RNF111: variants seen among roughly 807,000 people sequenced by gnomAD.
RNF111 encodes E3 ubiquitin-protein ligase Arkadia.
RNF111 carries 17 observed loss-of-function variants against 95.1 expected under a neutral mutation model. The ratio of observed to expected loss-of-function variants is 0.18; its 90% CI spans 0.12 to 0.27. RNF111 has a LOEUF of 0.27. RNF111 is among the 10% of genes least tolerant of loss of function. RNF111 has a pLI of 1.00. For missense variants in RNF111, 1,189 were observed against 1,210.4 expected (o/e 0.98, Z 0.26); for synonymous variants, 440 against 414.8 (o/e 1.06, Z -0.74).
At chr15:59,008,200 G>C (rs1255438719) in intron 1 of RNF111, among the ~76,000 whole-genome samples, 2 of 152,136 alleles carry the variant, frequency 1.3e-5, no homozygotes, top group African/African-American at 2.4e-5. Context: ...TGGCTCTCCA[G>C]TTGTTTCACG....
At chr15:59,007,973 T>C (rs753429905) in intron 1 of RNF111, among the ~76,000 whole-genome samples, 2 of 152,244 alleles carry the variant, frequency 1.3e-5, no homozygotes, top group Non-Finnish European at 2.9e-5. Context: ...GTTTTCTTAA[T>C]GCTGTCTCTG....
At chr15:59,040,691 A>G (rs1327772341) in intron 2 of RNF111, among the ~76,000 whole-genome samples, 3 of 152,234 alleles carry the variant, frequency 2.0e-5, no homozygotes, top group Admixed American at 6.5e-5. Flanking sequence ...ATTACTTTTA[A>G]TGGCAAAACC....
chr15:59,085,128 T>G (rs1292854309), intron 9 of RNF111, among the ~76,000 whole-genome samples: 1 of 152,206 alleles, frequency 6.6e-6, no homozygotes, highest in African/African-American at 2.4e-5. Flanking sequence ...ACAATGACTT[T>G]TGAGGCAGAA....
intron 1 of RNF111, among the ~76,000 whole-genome samples, chr15:59,014,785 C>T (rs563230023): frequency 2.7e-5 from 4 of 147,666 alleles, no homozygotes; most frequent in African/African-American, 7.5e-5. Flanking sequence ...GAGACAGGGT[C>T]TTCCTCTATG....
At chr15:59,032,360 C>A (rs1436573437) in intron 2 of RNF111, among the ~76,000 whole-genome samples, 1 of 152,032 alleles carries the variant, frequency 6.6e-6, no homozygotes, top group Non-Finnish European at 1.5e-5. Flanking sequence ...TTTCAGCTAC[C>A]TGTATGATGG....
chr15:59,053,643 A>G (rs2042083897), intron 3 of RNF111, among the ~76,000 whole-genome samples: 1 of 152,222 alleles, frequency 6.6e-6, no homozygotes, highest in African/African-American at 2.4e-5. Flanking sequence ...ACTGAAAACC[A>G]GTGTTATGTA....
intron 2 of RNF111, chr15:59,049,789 C>T (rs1424710246): frequency 5.5e-5 from 8 of 146,304 alleles, no homozygotes; most frequent in Non-Finnish European, 1.2e-4. Context: ...GCTCCGTCAC[C>T]CAGGCTGGAG....
At position 58,988,022 on chromosome 15, in the gene RNF111, C is replaced by T. The variant is rs987994656; in HGVS notation, c.-66C>T. 1.1e-4 allele frequency: 16 copies of T among 149,318 alleles called. No individual in the cohort carries two copies. Among genetic ancestry groups the T allele is most frequent in the African/African-American group, 3.7e-4 (15 of 40,184 alleles). 9.2% of individuals were successfully genotyped at this position (149,318 alleles called of 1,614,324 possible). Reference sequence around the variant, plus strand: ...TACATTTCTGTCTTCCTTCCTGGGTCAGTGATTCCCGGACCCTGGAAGAGA... The same window carrying T: ...TACATTTCTGTCTTCCTTCCTGGGTTAGTGATTCCCGGACCCTGGAAGAGA... On this transcript the variant is annotated 5_prime_UTR_variant, in exon 1 of 14. Coordinates refer to ENST00000348370, the MANE Select transcript of RNF111 (RefSeq NM_017610.8).
intron 2 of RNF111, among the ~76,000 whole-genome samples, chr15:59,038,646 T>A (rs1306874074): frequency 6.6e-6 from 1 of 152,180 alleles, no homozygotes; most frequent in Non-Finnish European, 1.5e-5. Flanking sequence ...TCCTGGAGAA[T>A]TTCACAAAAA....
intron 6 of RNF111, among the ~76,000 whole-genome samples, chr15:59,074,175 G>A (rs2043065056): frequency 6.6e-6 from 1 of 152,146 alleles, no homozygotes; most frequent in African/African-American, 2.4e-5. Context: ...AGGCAGAATA[G>A]ATTTAGCATA....
At chr15:59,087,529 A>G (rs976270118) in intron 10 of RNF111, among the ~76,000 whole-genome samples, 1 of 152,220 alleles carries the variant, frequency 6.6e-6, no homozygotes, top group Non-Finnish European at 1.5e-5. Flanking sequence ...TCTGTATGTT[A>G]TAAGTACGTG....
At chr15:59,082,840 C>G (rs2078786451) in intron 8 of RNF111, among the ~76,000 whole-genome samples, 1 of 152,176 alleles carries the variant, frequency 6.6e-6, no homozygotes, top group African/African-American at 2.4e-5. Flanking sequence ...AAATCTCTGG[C>G]TGTTGCTGCC....
intron 5 of RNF111, among the ~76,000 whole-genome samples, chr15:59,060,915 A>G (rs547732702): frequency 6.6e-6 from 1 of 151,644 alleles, no homozygotes; most frequent in Non-Finnish European, 1.5e-5. Flanking sequence ...GATCCTCCCG[A>G]GTAGATGGGG....
rs1207622639 is a variant in RNF111 at position 59,094,862 on chromosome 15, A to C, written c.2923A>C (p.Arg975=). The change falls in exon 14 of 14, where the codon AGA becomes CGA. Residue 975 remains arginine, a synonymous_variant. Coordinates refer to ENST00000348370, the MANE Select transcript of RNF111 (RefSeq NM_017610.8). Reference sequence around the variant, plus strand: ...TACCAATAAGAAGTGCCCCATATGCAGAGTGGACATTGAGGCCCAGCTGCC... The same window carrying C: ...TACCAATAAGAAGTGCCCCATATGCCGAGTGGACATTGAGGCCCAGCTGCC... The part of the protein sequence containing the change: ...LITNKKCPIC[R]VDIEAQLPSE... The C allele has an allele frequency of 6.2e-7, 1 of 1,612,394 alleles. No individual in the cohort carries two copies. Among genetic ancestry groups the C allele is most frequent in the East Asian group, 2.2e-5 (1 of 44,796 alleles).
In RNF111 at chr15:59,076,045, C is replaced by T. The variant is rs369357869; in HGVS notation, c.1778C>T (p.Pro593Leu). 4.3e-6 allele frequency: 7 copies of T among 1,614,104 alleles called. No individual in the cohort carries two copies. The African/African-American group carries it at 9.3e-5, about 22-fold the overall frequency. The change falls in exon 7 of 14, where the codon CCT becomes CTT. Residue 593 changes from proline to leucine, a missense_variant. By Grantham distance (98) the Pro-to-Leu change is moderately conservative. Coordinates refer to ENST00000348370, the MANE Select transcript of RNF111 (RefSeq NM_017610.8). ...HGASAFDPCC[P>L]VSSSRAAIFG... ...GCATCTGCATTTGACCCCTGCTGCC[C>T]TGTTTCTTCCTCCCGAGCTGCAATC...
rs138414973 is a variant in RNF111 at position 59,031,617 on chromosome 15, C to G, written c.795C>G (p.Ser265=). 1 of 1,614,130 alleles carries G rather than the reference C, an allele frequency of 6.2e-7. No homozygotes were observed. Among genetic ancestry groups the G allele is most frequent in the East Asian group, 2.2e-5 (1 of 44,886 alleles). The change falls in exon 2 of 14, where the codon TCC becomes TCG. Residue 265 remains serine, a synonymous_variant. Transcript: ENST00000348370. ...GTGAGAATGACCTCAGCAGTGAATC[C>G]TCTTCTAGCTCATCAACTGAAGGAG... ...SSSENDLSSE[S]SSSSSTEGEE... is the part of the protein sequence containing the mutation.
intron 1 of RNF111, among the ~76,000 whole-genome samples, chr15:59,023,893 G>A (rs1387281558): frequency 1.3e-5 from 2 of 152,076 alleles, no homozygotes; most frequent in Non-Finnish European, 2.9e-5. Flanking sequence ...GAGACCCTAA[G>A]GGACATGAAG....
intron 2 of RNF111, among the ~76,000 whole-genome samples, chr15:59,032,038 A>G (rs1235972720): frequency 6.6e-6 from 1 of 152,062 alleles, no homozygotes; most frequent in African/African-American, 2.4e-5. Flanking sequence ...TCCTGGGTTC[A>G]AGCAATTCTC....
chr15:59,052,624 G>A (rs1343739236), intron 3 of RNF111, among the ~76,000 whole-genome samples, 193 bp downstream of exon 3: 1 of 142,992 alleles, frequency 7.0e-6, no homozygotes. Context: ...TGTTACCCAG[G>A]CTGGACTTCT....
Sources: allele counts gnomAD v4.1 joint callset (sites outside exome capture counted in the v4.1 genomes callset), GRCh38; gene constraint gnomAD v4.1.1; transcripts MANE v1.5; gene names NCBI Gene and HGNC (gene_info 2026-07-23, HGNC 2026-07-21).